The following FHIT variants were observed in gnomAD, a reference collection of about 807,000 sequenced individuals.
FHIT encodes the protein bis(5'-adenosyl)-triphosphatase.
In FHIT, 19 loss-of-function variants were observed where a neutral mutation model predicts 17.9. That is an observed-to-expected ratio of 1.06 (90% confidence interval 0.74 to 1.56). FHIT has a LOEUF of 1.56. Among genes scored for constraint, FHIT ranks in the 40% most tolerant of loss-of-function variants. The probability of loss-of-function intolerance (pLI) is 0.00; values close to 1 mark genes in which losing one functional copy is unlikely to be tolerated. For synonymous variants in FHIT, 81 were observed against 69.7 expected, an observed-to-expected ratio of 1.16 and a Z score of -0.81; for missense variants, 248 against 189.2, an observed-to-expected ratio of 1.31 and a Z score of -1.82.
At chr3:60,010,227 G>A (rs762981854) in intron 7 of FHIT, among the ~76,000 whole-genome samples, 23 of 152,212 alleles carry the variant, frequency 1.5e-4, no homozygotes, top group Non-Finnish European at 2.5e-4. Context: ...CTTTGCATCC[G>A]TATATTTAGA....
intron 8 of FHIT, among the ~76,000 whole-genome samples, chr3:59,898,315 C>G (rs1704164898): frequency 6.6e-6 from 1 of 152,006 alleles, no homozygotes; most frequent in African/African-American, 2.4e-5. Flanking sequence ...ATTTCCCAAT[C>G]CAAAAAAAAT....
rs185988664 is a variant in FHIT at position 60,777,793 on chromosome 3, A to T, written c.-18+44126T>A. ...AGGGTTAAATAAAACCCATCTGATG[A>T]AAATTTATGGTTTGTAAGCCATGAC... is the stretch of plus-strand genomic sequence containing the variant. On this transcript the variant is annotated intron_variant, in intron 4 of 9. Coordinates refer to ENST00000492590, the MANE Select transcript of FHIT (RefSeq NM_002012.4). Among the ~76,000 whole-genome samples the T allele has an allele frequency of 8.8e-4, 134 of 152,338 alleles. 2 individuals are homozygous for T. The South Asian group carries it at 0.027, about 30-fold the overall frequency.
At chr3:60,285,291 T>C (rs1200600984) in intron 5 of FHIT, among the ~76,000 whole-genome samples, 2 of 152,186 alleles carry the variant, frequency 1.3e-5, no homozygotes, top group African/African-American at 4.8e-5. Context: ...TGCCAATGTT[T>C]TGAGAGGTGA....
chr3:59,831,086 T>C (rs778305442), intron 8 of FHIT, among the ~76,000 whole-genome samples: 1 of 152,174 alleles, frequency 6.6e-6, no homozygotes, highest in Admixed American at 6.5e-5. Flanking sequence ...AATGGGAGGC[T>C]ATAACCCCAC....
chr3:60,677,253 G>A (rs541758785), intron 4 of FHIT, among the ~76,000 whole-genome samples: 4 of 152,200 alleles, frequency 2.6e-5, no homozygotes, highest in East Asian at 3.9e-4. Flanking sequence ...GGTCAAGTCT[G>A]GGCTTTTAAT....
chr3:59,753,923 C>A (rs986952369), intron 8 of FHIT, among the ~76,000 whole-genome samples: 1 of 152,062 alleles, frequency 6.6e-6, no homozygotes, highest in African/African-American at 2.4e-5. Context: ...AGATACTGTT[C>A]CACTCCATTT....
chr3:60,459,351 TA>T (rs1379084122), intron 5 of FHIT, among the ~76,000 whole-genome samples: 1 of 152,138 alleles, frequency 6.6e-6, no homozygotes, highest in African/African-American at 2.4e-5. Context: ...ATACACCAAG[TA>T]AATAAATGTC....
chr3:61,192,147 G>GAAGATGTGTTGGGAAA (rs2038736012), intron 2 of FHIT, among the ~76,000 whole-genome samples: 1 of 152,160 alleles, frequency 6.6e-6, no homozygotes, highest in Non-Finnish European at 1.5e-5. Flanking sequence ...TCAACACACT[G>GAAGATGTGTTGGGAAA]AAGATGGCAC....
intron 5 of FHIT, among the ~76,000 whole-genome samples, chr3:60,413,461 G>C (rs745545707): frequency 1.3e-5 from 2 of 152,196 alleles, no homozygotes; most frequent in Non-Finnish European, 2.9e-5. Flanking sequence ...AGAGTTAAAG[G>C]TCTTACTTAA....
At chr3:61,009,452 C>T (rs80308601) in intron 3 of FHIT, among the ~76,000 whole-genome samples, 286 of 152,288 alleles carry the variant, frequency 1.9e-3, no homozygotes, top group African/African-American at 6.6e-3. Context: ...GGTTATTAAA[C>T]TGATGCCTTA....
chr3:60,997,485 A>G (rs1023570056), intron 3 of FHIT, among the ~76,000 whole-genome samples: 4 of 152,082 alleles, frequency 2.6e-5, no homozygotes, highest in African/African-American at 9.7e-5. Flanking sequence ...ATCTGGCTGA[A>G]GCTGTGGGGT....
intron 8 of FHIT, among the ~76,000 whole-genome samples, chr3:59,869,193 T>C (rs1432418607): frequency 6.6e-6 from 1 of 152,216 alleles, no homozygotes; most frequent in Non-Finnish European, 1.5e-5. Flanking sequence ...TCCTCTTTTC[T>C]AACAGACCGA....
chr3:60,565,973 T>A (rs990246405), intron 4 of FHIT, among the ~76,000 whole-genome samples: 1 of 152,194 alleles, frequency 6.6e-6, no homozygotes, highest in Non-Finnish European at 1.5e-5. Flanking sequence ...TTTGTTCTCA[T>A]TGGTTTCAAA....
chr3:60,742,321 C>G (rs1162638515), intron 4 of FHIT, among the ~76,000 whole-genome samples: 1 of 152,188 alleles, frequency 6.6e-6, no homozygotes, highest in Non-Finnish European at 1.5e-5. Flanking sequence ...AAATGGGCTT[C>G]ACACCAGGAT....
intron 5 of FHIT, among the ~76,000 whole-genome samples, chr3:60,262,185 C>T (rs1184027763): frequency 6.6e-6 from 1 of 151,970 alleles, no homozygotes; most frequent in Non-Finnish European, 1.5e-5. Context: ...CTTTTGTCCC[C>T]TACAGCATCT....
At chr3:59,864,128 A>G (rs945887076) in intron 8 of FHIT, among the ~76,000 whole-genome samples, 1 of 151,326 alleles carries the variant, frequency 6.6e-6, no homozygotes, top group Admixed American at 6.6e-5. Context: ...AGAGACATAT[A>G]CACAGTACCT....
chr3:60,705,038 C>A (rs1205454440), intron 4 of FHIT, among the ~76,000 whole-genome samples: 1 of 149,734 alleles, frequency 6.7e-6, no homozygotes, highest in South Asian at 2.1e-4. Flanking sequence ...CTGTTAAGTC[C>A]ACTGTGGAAT....
At chr3:59,836,377 T>G (rs968641551) in intron 8 of FHIT, among the ~76,000 whole-genome samples, 21 of 152,120 alleles carry the variant, frequency 1.4e-4, no homozygotes, top group African/African-American at 5.1e-4. Context: ...TTGTGCTGGT[T>G]TGGATAACTA....
intron 2 of FHIT, among the ~76,000 whole-genome samples, chr3:61,153,001 G>T (rs530847166): frequency 6.6e-6 from 1 of 152,064 alleles, no homozygotes; most frequent in Non-Finnish European, 1.5e-5. Flanking sequence ...AAATCAGCCG[G>T]GCGTGGTGAC....
Sources: allele counts gnomAD v4.1 joint callset (sites outside exome capture counted in the v4.1 genomes callset), GRCh38; gene constraint gnomAD v4.1.1; transcripts MANE v1.5; gene names NCBI Gene and HGNC (gene_info 2026-07-23, HGNC 2026-07-21).